The following LRP1B variants were observed in gnomAD, a reference collection of about 807,000 sequenced individuals.
The protein encoded by LRP1B is low-density lipoprotein receptor-related protein 1B.
Under a neutral mutation model 556.6 loss-of-function variants are expected in LRP1B, and 217 were observed. The observed-to-expected ratio is 0.39, with a 90% CI of 0.35 to 0.44. The LOEUF is 0.44. LRP1B is among the 20% of genes least tolerant of loss of function. The probability of loss-of-function intolerance (pLI) is 1.00; values close to 1 mark genes in which losing one functional copy is unlikely to be tolerated. For missense variants in LRP1B, 5,053 were observed against 5,620.8 expected, an observed-to-expected ratio of 0.90 and a Z score of 3.23; for synonymous variants, 2,047 against 1,865.8, an observed-to-expected ratio of 1.10 and a Z score of -2.50.
chr2:141,250,202 T>C (rs542661381), intron 4 of LRP1B, among the ~76,000 whole-genome samples: 1 of 152,292 alleles, frequency 6.6e-6, no homozygotes, highest in South Asian at 2.1e-4. Context: ...TGTCTTTTGG[T>C]GTTCATAAAG....
intron 7 of LRP1B, among the ~76,000 whole-genome samples, chr2:141,186,107 G>C (rs997366917): frequency 2.8e-5 from 4 of 141,386 alleles, no homozygotes; most frequent in Non-Finnish European, 4.6e-5. Flanking sequence ...AAACCAGTAT[G>C]CTTAAGTAAC....
intron 43 of LRP1B, among the ~76,000 whole-genome samples, chr2:140,548,256 A>T (rs949738880): frequency 7.2e-5 from 11 of 152,166 alleles, no homozygotes; most frequent in African/African-American, 2.7e-4. Flanking sequence ...AACTTGATAT[A>T]AGGTTTAACT....
intron 1 of LRP1B, among the ~76,000 whole-genome samples, chr2:141,833,843 A>G (rs1697183032): frequency 6.8e-6 from 1 of 147,888 alleles, no homozygotes; most frequent in Non-Finnish European, 1.5e-5. Context: ...GGGTAGAAAA[A>G]GGCAAAATGA....
At chr2:141,430,297 G>C (rs993923452) in intron 3 of LRP1B, among the ~76,000 whole-genome samples, 2 of 152,028 alleles carry the variant, frequency 1.3e-5, no homozygotes, top group African/African-American at 4.8e-5. Context: ...TGCATAAAAG[G>C]CTCAATTTTT....
intron 1 of LRP1B, among the ~76,000 whole-genome samples, chr2:141,849,731 T>TACATA (rs1193966976): frequency 6.6e-6 from 1 of 151,708 alleles, no homozygotes; most frequent in Non-Finnish European, 1.5e-5. Context: ...GTAGAGCTAA[T>TACATA]ACATACCGTA....
chr2:142,062,780 T>C (rs985163339), intron 1 of LRP1B, among the ~76,000 whole-genome samples: 8 of 151,762 alleles, frequency 5.3e-5, no homozygotes, highest in Non-Finnish European at 2.9e-5. Flanking sequence ...ATTTACAAGG[T>C]ATCAAAAACA....
intron 47 of LRP1B, among the ~76,000 whole-genome samples, chr2:140,527,430 C>T (rs1690484181): frequency 6.6e-6 from 1 of 151,760 alleles, no homozygotes; most frequent in Admixed American, 6.6e-5. Context: ...GGTTAAAATG[C>T]TATTTTAAAA....
At chr2:141,374,018 C>G (rs1411122975) in intron 3 of LRP1B, among the ~76,000 whole-genome samples, 2 of 151,946 alleles carry the variant, frequency 1.3e-5, no homozygotes, top group Non-Finnish European at 2.9e-5. Context: ...GTTTAAGATC[C>G]TTTTGAACAT....
chr2:141,688,796 G>A (rs1479088594), intron 2 of LRP1B, among the ~76,000 whole-genome samples: 1 of 151,922 alleles, frequency 6.6e-6, no homozygotes, highest in Non-Finnish European at 1.5e-5. Context: ...GAGAAGTCAT[G>A]GAAAGAAACA....
chr2:141,777,784 G>A (rs1274952034), intron 2 of LRP1B, among the ~76,000 whole-genome samples: 1 of 152,084 alleles, frequency 6.6e-6, no homozygotes, highest in African/African-American at 2.4e-5. Flanking sequence ...ATCTTACTGG[G>A]CTATTCTTGA....
intron 7 of LRP1B, among the ~76,000 whole-genome samples, chr2:141,121,020 T>G (rs1004400855): frequency 6.6e-6 from 1 of 152,018 alleles, no homozygotes; most frequent in Non-Finnish European, 1.5e-5. Context: ...GGCTAAGCAA[T>G]TTATATATTT....
chr2:141,167,229 C>T (rs1393835290), intron 7 of LRP1B: 1 of 151,950 alleles, frequency 6.6e-6, no homozygotes, highest in Non-Finnish European at 1.5e-5. Context: ...CTCAAACACA[C>T]ATAAAATGCA....
In LRP1B at chr2:140,358,009, C is replaced by T. The variant is rs1437945165; in HGVS notation, c.11365G>A (p.Asp3789Asn). ...LQCDRLDDCG[D>N]GSDEQGCRIA... ...CTGCATCCTTGCTCATCTGAACCATCTCCGCAGTCATCAAGTCGATCACAC... is the reference window on the plus strand; with the variant it reads ...CTGCATCCTTGCTCATCTGAACCATTTCCGCAGTCATCAAGTCGATCACAC... The change falls in exon 74 of 91, where the codon GAT (aspartate) becomes AAT (asparagine). Residue 3789 changes from aspartate (D) to asparagine (N), a missense_variant. Asp to Asn is a conservative substitution (Grantham distance 23). Transcript: ENST00000389484. 1.2e-6 allele frequency: 2 copies of T among 1,611,366 alleles called. No individual in the cohort carries two copies. The highest frequency in any genetic ancestry group is 3.3e-5 in the Admixed American group (2 of 59,812).
intron 2 of LRP1B, among the ~76,000 whole-genome samples, chr2:141,583,078 C>T (rs182030239): frequency 7.2e-4 from 109 of 152,084 alleles, no homozygotes; most frequent in African/African-American, 2.5e-3. Context: ...CCTCGTGATC[C>T]GCCCCCTTTG....
intron 79 of LRP1B, among the ~76,000 whole-genome samples, chr2:140,334,040 C>T (rs1288094922): frequency 2.6e-5 from 4 of 151,878 alleles, no homozygotes; most frequent in Admixed American, 6.6e-5. Context: ...AACACCAAAC[C>T]TGTCTTTTAC....
In LRP1B at chr2:140,679,036, C is replaced by T. The variant is rs1031005701; in HGVS notation, c.6799+21214G>A. Among the ~76,000 whole-genome samples, 3 of 152,256 alleles carry T rather than the reference C, an allele frequency of 2.0e-5. No individual in the cohort carries two copies. In the South Asian group the frequency reaches 6.2e-4, roughly 32 times the overall value. On this transcript the variant is annotated intron_variant, in intron 41 of 90. Coordinates refer to ENST00000389484, the MANE Select transcript of LRP1B (RefSeq NM_018557.3). The stretch of plus-strand genomic sequence containing the variant: ...TGTTGATCCACCTGCCTCTGCCTCC[C>T]AAAGTGCTGGGACTACAGGCATGAG...
In LRP1B at chr2:140,739,563, C is replaced by T. The variant is rs543560083; in HGVS notation, c.5759-22747G>A. Among the ~76,000 whole-genome samples the T allele has an allele frequency of 1.1e-4, 17 of 152,214 alleles. No homozygotes were observed. The East Asian group carries it at 1.2e-3, about 10-fold the overall frequency. ...GTACATGAGATTAAACTTAAACAAACGCCTAATACCACATACTGAGTTTCT... is the reference window on the plus strand; with the variant it reads ...GTACATGAGATTAAACTTAAACAAATGCCTAATACCACATACTGAGTTTCT... On this transcript the variant is annotated intron_variant, in intron 35 of 90. Transcript: ENST00000389484.
At chr2:140,749,750 G>A (rs1688505873) in intron 35 of LRP1B, among the ~76,000 whole-genome samples, 2 of 152,126 alleles carry the variant, frequency 1.3e-5, no homozygotes, top group South Asian at 4.1e-4. Context: ...ATAAGTAGAA[G>A]TGTGCTCCAA....
chr2:140,696,422 AT>A (rs1026839516), intron 41 of LRP1B, among the ~76,000 whole-genome samples: 2 of 152,134 alleles, frequency 1.3e-5, no homozygotes, highest in African/African-American at 4.8e-5. Flanking sequence ...GACTAATTAT[AT>A]TTTTTAAGTT....
Sources: gnomAD v4.1 joint callset for allele counts (sites outside exome capture counted in the v4.1 genomes callset) on GRCh38, gnomAD v4.1.1 for gene constraint, MANE v1.5 for transcripts, NCBI Gene and HGNC (gene_info 2026-07-23, HGNC 2026-07-21) for gene names.